Variants in ZNF518A observed in about 807,000 individuals in gnomAD.
The protein encoded by ZNF518A is zinc finger protein 518.
In ZNF518A, 47 loss-of-function variants were observed where a neutral mutation model predicts 102.7. That is an observed-to-expected ratio of 0.46 (90% CI 0.36 to 0.58). The LOEUF (loss-of-function observed/expected upper bound fraction) is 0.58. ZNF518A is among the 20% of genes least tolerant of loss of function. The pLI, the probability that ZNF518A is intolerant of heterozygous loss-of-function variation, is 0.00. For synonymous variants in ZNF518A, 652 were observed against 594.6 expected (o/e 1.10, Z -1.40); for missense variants, 1,793 against 1,699.8 (o/e 1.05, Z -0.96).
At chr10:96,144,938 T>C (rs1454070065) in intron 3 of ZNF518A, among the ~76,000 whole-genome samples, 7 of 152,232 alleles carry the variant, frequency 4.6e-5, no homozygotes, top group Admixed American at 4.6e-4. Flanking sequence ...TTGTATAGCA[T>C]ATAGAAATAA....
intron 1 of ZNF518A, among the ~76,000 whole-genome samples, chr10:96,188,708 G>GA (rs1338832663): frequency 4.6e-5 from 7 of 151,590 alleles, no homozygotes; most frequent in Admixed American, 2.6e-4. Flanking sequence ...CCTAAAAGGA[G>GA]AAAAAAAACC....
At chr10:96,154,095 A>G (rs1452486697) in intron 3 of ZNF518A, among the ~76,000 whole-genome samples, 4 of 152,084 alleles carry the variant, frequency 2.6e-5, no homozygotes, top group African/African-American at 7.2e-5. Flanking sequence ...TAGTAATACT[A>G]TTTTCTTTTT....
chr10:96,159,445 A>G lies in ZNF518A; in HGVS notation c.3123A>G (p.Ser1041=), dbSNP rs1554886068. Reference sequence around the variant, plus strand: ...GTTGTTTGAGCATGAAAAGTAGCTCAGAAAATACTTTGCCATTAAAAGGCC... The same window carrying G: ...GTTGTTTGAGCATGAAAAGTAGCTCGGAAAATACTTTGCCATTAAAAGGCC... ...IGSCLSMKSS[S]ENTLPLKGPY... The change falls in exon 6 of 6, where the codon TCA becomes TCG. Residue 1041 remains serine (S), a synonymous_variant. Coordinates refer to ENST00000316045, the MANE Select transcript of ZNF518A (RefSeq NM_001330736.2). 1 of 1,613,844 alleles carries G rather than the reference A, an allele frequency of 6.2e-7. No individual in the cohort carries two copies. Among genetic ancestry groups the G allele is most frequent in the South Asian group, 1.1e-5 (1 of 91,074 alleles).
In ZNF518A at chr10:96,158,472, A is replaced by G. The variant is rs587614730; in HGVS notation, c.2150A>G (p.Glu717Gly). 17 of 1,612,674 alleles carry G rather than the reference A, an allele frequency of 1.1e-5. No homozygotes were observed. In the South Asian group the frequency reaches 1.7e-4, roughly 16 times the overall value. Residue 717 changes from glutamate (E) to glycine (G), a missense_variant, in exon 6 of 6, where the codon GAA becomes GGA. Coordinates refer to ENST00000316045, the MANE Select transcript of ZNF518A (RefSeq NM_001330736.2). ...ACTTTAAAAGCAAAATCTGAAATTG[A>G]AGAACAGTATGTTTTAGAAAAAGGA... ...DGTLKAKSEI[E>G]EQYVLEKGQN...
chr10:96,159,451 TA>T lies in ZNF518A; in HGVS notation c.3130del (p.Thr1044LeufsTer4). ...TGAGCATGAAAAGTAGCTCAGAAAATACTTTGCCATTAAAAGGCCCTTACAT... is the reference window on the plus strand; with the variant it reads ...TGAGCATGAAAAGTAGCTCAGAAAATCTTTGCCATTAAAAGGCCCTTACAT... ...CLSMKSSSEN[T>X]LPLKGPYILK... On this transcript the variant is annotated frameshift_variant, in exon 6 of 6. Transcript: ENST00000316045. LOFTEE classifies it high-confidence loss of function. The T allele has an allele frequency of 1.2e-6, 2 of 1,613,786 alleles. No individual in the cohort carries two copies. The highest frequency in any genetic ancestry group is 1.7e-6 in the Non-Finnish European group (2 of 1,179,790).
chr10:96,178,728 TAA>T (rs1159832964), intron 1 of ZNF518A, among the ~76,000 whole-genome samples: 4 of 152,134 alleles, frequency 2.6e-5, no homozygotes, highest in South Asian at 2.1e-4. Context: ...AGAAAAATGT[TAA>T]AGAGGGGACA....
intron 3 of ZNF518A, among the ~76,000 whole-genome samples, chr10:96,141,746 TC>T (rs1374223201): frequency 3.5e-5 from 4 of 112,934 alleles, no homozygotes; most frequent in African/African-American, 1.2e-4. Flanking sequence ...TTTTTCTTCT[TC>T]ATTTTTTTTT....
At position 96,200,928 on chromosome 10, in the gene ZNF518A, C is replaced by T; in HGVS notation, n.36-2646C>T. 1 of 1,503,486 alleles carries T rather than the reference C, an allele frequency of 6.7e-7. No individual in the cohort carries two copies. Among genetic ancestry groups the T allele is most frequent in the Non-Finnish European group, 9.3e-7 (1 of 1,079,410 alleles). 93.1% of individuals were successfully genotyped at this position (1,503,486 alleles called of 1,614,324 possible). ...ATGTCTTCTTCTCAGAAGACATGCT[C>T]TTTCCTGCAGTTTCCTGGTAACAAT... On this transcript the variant is annotated intron_variant and non_coding_transcript_variant, in intron 1 of 2. Coordinates refer to the ZNF518A transcript ENST00000442635. This position sits in a 1 kb window ranked among gnomAD's most constrained non-coding sequence, Gnocchi z 4.3.
In ZNF518A at chr10:96,131,264, G is replaced by A. The variant is rs980645786; in HGVS notation, c.-453+512G>A. ...TTAGATCTAGTTACTGGTAATTGTT[G>A]AATTGCTTTTTCTGCAGCAAGGGGT... On this transcript the variant is annotated intron_variant, in intron 1 of 5. Transcript: ENST00000316045. 2.6e-5 allele frequency among the ~76,000 whole-genome samples: 4 copies of A among 152,282 alleles called. No individual in the cohort carries two copies. The East Asian group carries it at 7.7e-4, about 29-fold the overall frequency.
chr10:96,180,322 C>G (rs1350527439), intron 1 of ZNF518A, among the ~76,000 whole-genome samples: 1 of 151,646 alleles, frequency 6.6e-6, no homozygotes, highest in Non-Finnish European at 1.5e-5. Context: ...CTGTACCCAG[C>G]CTTGAGCTTT....
intron 3 of ZNF518A, among the ~76,000 whole-genome samples, chr10:96,146,202 A>G (rs1554878445): frequency 6.6e-6 from 1 of 152,182 alleles, no homozygotes; most frequent in East Asian, 1.9e-4. Flanking sequence ...CAATACTGTA[A>G]TTGATTTAAT....
Position 96,155,949 on chromosome 10 carries a change from T to C in ZNF518A, c.-225T>C, listed in dbSNP as rs1395456484. Reference sequence around the variant, plus strand: ...ATGAGGAAACTGAGGTCCAGAGAAGTTGAAGTTTTCCCAAGGTCACACAGC... The same window carrying C: ...ATGAGGAAACTGAGGTCCAGAGAAGCTGAAGTTTTCCCAAGGTCACACAGC... On this transcript the variant is annotated 5_prime_UTR_variant, in exon 5 of 6. Coordinates refer to ENST00000316045, the MANE Select transcript of ZNF518A (RefSeq NM_001330736.2). 1.9e-5 allele frequency: 3 copies of C among 154,624 alleles called. No homozygotes were observed. Among genetic ancestry groups the C allele is most frequent in the African/African-American group, 7.2e-5 (3 of 41,506 alleles). 9.6% of individuals were successfully genotyped at this position (154,624 alleles called of 1,614,324 possible). A position where few individuals can be genotyped will look rare whatever the true frequency, so the allele number is the denominator to read the frequency against.
At chr10:96,137,184 C>T (rs187456789) in intron 3 of ZNF518A, among the ~76,000 whole-genome samples, 2 of 152,364 alleles carry the variant, frequency 1.3e-5, no homozygotes, top group East Asian at 1.9e-4. Context: ...AAGTTCACCT[C>T]TTCAGCTCGT....
chr10:96,186,426 T>C (rs1189138760), intron 1 of ZNF518A, among the ~76,000 whole-genome samples: 1 of 151,430 alleles, frequency 6.6e-6, no homozygotes, highest in African/African-American at 2.4e-5. Context: ...TTTGACGGAG[T>C]CTCTCTCTGT....
chr10:96,191,761 C>T, intron 1 of ZNF518A: 1 of 533,588 alleles, frequency 1.9e-6, no homozygotes, highest in South Asian at 2.4e-5. Context: ...TCAACCTCAC[C>T]AGATATTAAC....
At chr10:96,148,013 C>T (rs1293436704) in intron 3 of ZNF518A, among the ~76,000 whole-genome samples, 1 of 152,090 alleles carries the variant, frequency 6.6e-6, no homozygotes, top group Non-Finnish European at 1.5e-5. Context: ...TTCACCTTTA[C>T]CTTATAGCCC....
chr10:96,183,525 A>G (rs2083252426), intron 1 of ZNF518A, among the ~76,000 whole-genome samples: 1 of 152,184 alleles, frequency 6.6e-6, no homozygotes, highest in Non-Finnish European at 1.5e-5. Flanking sequence ...CTTTGTTCTC[A>G]TTCATTTCAA....
intron 3 of ZNF518A, among the ~76,000 whole-genome samples, chr10:96,142,825 C>A (rs1182579595): frequency 6.9e-6 from 1 of 145,340 alleles, no homozygotes; most frequent in Non-Finnish European, 1.5e-5. Context: ...TTTTTTATTG[C>A]GACAGAGTCT....
In ZNF518A at chr10:96,159,547, G is replaced by A. The variant is rs782044916; in HGVS notation, c.3225G>A (p.Lys1075=). The A allele has an allele frequency of 6.2e-7, 1 of 1,613,868 alleles. No individual in the cohort carries two copies. The highest frequency in any genetic ancestry group is 2.2e-5 in the East Asian group (1 of 44,884). ...PNMLSEQQST[K]LNISDSVKQQ... is the part of the protein sequence containing the mutation. ...TGCTATCTGAGCAACAGAGCACTAA[G>A]TTGAATATCTCCGATTCAGTAAAAC... The change falls in exon 6 of 6, where the codon AAG becomes AAA. Residue 1075 remains lysine, a synonymous_variant. Transcript: ENST00000316045.
Sources: allele counts gnomAD v4.1 joint callset (sites outside exome capture counted in the v4.1 genomes callset), GRCh38; gene constraint gnomAD v4.1.1; non-coding constraint Gnocchi (gnomAD v3.1); transcripts MANE v1.5; gene names NCBI Gene and HGNC (gene_info 2026-07-23, HGNC 2026-07-21).